FOXO3B: variants seen among roughly 807,000 people sequenced by gnomAD.
FOXO3B encodes the protein forkhead box O3B, also known as forkhead box protein O3B.
Under a neutral mutation model 21.9 loss-of-function variants are expected in FOXO3B, and 15 were observed. The ratio of observed to expected loss-of-function variants is 0.68; its 90% confidence interval spans 0.46 to 1.05. The LOEUF is 1.05. Ranked by LOEUF, FOXO3B falls within the 50% of genes least tolerant of loss-of-function variation. The pLI, the probability that FOXO3B is intolerant of heterozygous loss-of-function variation, is 0.00. For synonymous variants in FOXO3B, 135 were observed against 213.6 expected, an observed-to-expected ratio of 0.63 and a Z score of 3.21; for missense variants, 293 against 435.5, an observed-to-expected ratio of 0.67 and a Z score of 2.91.
chr17:18,672,961 G>C lies in FOXO3B; in HGVS notation c.221C>G (p.Ala74Gly), dbSNP rs1264767070. ...LHPAPAREES[A>G]RTPAAAGRAA... ...CCGCCCGGCCGCGGCTGGGGTTCTC[G>C]CGCTCTCCTCTCGCGCCGGGGCGGG... The change falls in exon 4 of 4, where the codon GCG becomes GGG. Residue 74 changes from alanine (A) to glycine (G), a missense_variant. Physicochemically the swap from Ala to Gly is moderately conservative, Grantham distance 60 (BLOSUM62 0). Transcript: ENST00000395675. This position sits in a 1 kb window ranked among gnomAD's most constrained non-coding sequence, Gnocchi z 4.2. 8.6e-6 allele frequency: 13 copies of C among 1,512,630 alleles called. No individual in the cohort carries two copies. The highest frequency in any genetic ancestry group is 1.4e-5 in the African/African-American group (1 of 69,684). 93.7% of individuals were successfully genotyped at this position (1,512,630 alleles called of 1,614,324 possible).
At chr17:18,678,010 T>C (rs930051915) in intron 3 of FOXO3B, among the ~76,000 whole-genome samples, 6 of 151,072 alleles carry the variant, frequency 4.0e-5, no homozygotes, top group African/African-American at 1.5e-4. Context: ...AAAGACATTA[T>C]GAGGAAAAAT....
Position 18,672,376 on chromosome 17 carries a change from T to C in FOXO3B, c.806A>G (p.Tyr269Cys). ...PDRRLTLSQI[Y>C]EWMVSCVPYF... ...GGGCACGCAACTCACCATCCACTCG[T>C]AGATCTGGGACAGAGTGAGCCGTCT... is the stretch of plus-strand genomic sequence containing the variant. The change falls in exon 4 of 4, where the codon TAC (tyrosine) becomes TGC (cysteine). Residue 269 changes from tyrosine to cysteine, a missense_variant. This residue lies in a region of FOXO3B where 42 missense variants were observed against 31.5 expected (regional missense o/e 1.33). Transcript: ENST00000395675. This position sits in a 1 kb window ranked among gnomAD's most constrained non-coding sequence, Gnocchi z 4.2. The C allele has an allele frequency of 6.2e-7, 1 of 1,613,160 alleles. No homozygotes were observed.
chr17:18,671,663 C>G lies in FOXO3B; in HGVS notation c.*646G>C, dbSNP rs2032365801. ...AGGAGCTGGTTGGGGAGCTCAGGCC[C>G]GAGCCCTTGGTGGTATACGGGAAGC... On this transcript the variant is annotated 3_prime_UTR_variant, in exon 4 of 4. Coordinates refer to ENST00000395675, the MANE Select transcript of FOXO3B (RefSeq NM_001368135.1). The G allele has an allele frequency of 6.2e-7, 1 of 1,613,882 alleles. No individual in the cohort carries two copies.
rs2032354755 is a variant in FOXO3B at position 18,671,083 on chromosome 17, T to C, written c.*1226A>G. On this transcript the variant is annotated 3_prime_UTR_variant, in exon 4 of 4. Transcript: ENST00000395675. ...TCACATTCCAAGCTCCCATTGAACA[T>C]GTCCAGGTCCAAGTCGCTGGGGAAC... 1.0e-6 allele frequency: 1 copy of C among 966,954 alleles called. No individual in the cohort carries two copies. The highest frequency in any genetic ancestry group is 1.6e-6 in the Non-Finnish European group (1 of 612,030). 59.9% of individuals were successfully genotyped at this position (966,954 alleles called of 1,614,324 possible). A position where few individuals can be genotyped will look rare whatever the true frequency, so the allele number is the denominator to read the frequency against.
Position 18,671,583 on chromosome 17 carries a change from A to G in FOXO3B, c.*726T>C, listed in dbSNP as rs1291752436. ...TGGCTTGTTCTCTTGGATGGTCTGC[A>G]TGGGAGACTGGCGTAGGGAGTTCAG... On this transcript the variant is annotated 3_prime_UTR_variant, in exon 4 of 4. Coordinates refer to ENST00000395675, the MANE Select transcript of FOXO3B (RefSeq NM_001368135.1). The G allele has an allele frequency of 1.9e-6, 3 of 1,613,376 alleles. No individual in the cohort carries two copies. The highest frequency in any genetic ancestry group is 1.1e-5 in the South Asian group (1 of 91,050).
rs550221219 is a variant in FOXO3B, at chr17:18,670,233, G to A, written c.*2076C>T. On this transcript the variant is annotated 3_prime_UTR_variant, in exon 4 of 4. Transcript: ENST00000395675. Reference sequence around the variant, plus strand: ...GCCTATGCATGGTTCAGTCCTGGACGGGTGCGCATAGCAAACAATTGTGCC... The same window carrying A: ...GCCTATGCATGGTTCAGTCCTGGACAGGTGCGCATAGCAAACAATTGTGCC... Among the ~76,000 whole-genome samples, 2 of 152,324 alleles carry A rather than the reference G, an allele frequency of 1.3e-5. No homozygotes were observed. The highest frequency in any genetic ancestry group is 6.5e-5 in the Admixed American group (1 of 15,310).
rs1171790747 is a variant in FOXO3B, at chr17:18,673,442, T to A, written c.127-387A>T. Among the ~76,000 whole-genome samples the A allele has an allele frequency of 2.6e-5, 4 of 152,174 alleles. No homozygotes were observed. In the East Asian group the frequency reaches 7.7e-4, roughly 29 times the overall value. ...TTTTTAAATGAATTAGCTAATAGCT[T>A]GAAATTTTTCTGTTTTAACTTGTAG... On this transcript the variant is annotated intron_variant, in intron 3 of 3. Transcript: ENST00000395675.
Position 18,672,670 on chromosome 17 carries a change from C to T in FOXO3B, c.512G>A (p.Arg171His). 3 of 1,520,124 alleles carry T rather than the reference C, an allele frequency of 2.0e-6. No individual in the cohort carries two copies. The highest frequency in any genetic ancestry group is 2.5e-5 in the East Asian group (1 of 40,688). 94.2% of individuals were successfully genotyped at this position (1,520,124 alleles called of 1,614,324 possible). A position where few individuals can be genotyped will look rare whatever the true frequency, so the allele number is the denominator to read the frequency against. The part of the protein sequence containing the change: ...AMAIGGGGGS[R>H]TLVSGLLLED... The stretch of plus-strand genomic sequence containing the variant: ...AAGGAGCAGCCCGGAGACCAGCGTG[C>T]GGCTCCCGCCGCCGCCGCCGATCGC... The change falls in exon 4 of 4, where the codon CGC (arginine) becomes CAC (histidine). Residue 171 changes from arginine (R) to histidine (H), a missense_variant. Physicochemically the swap from Arg to His is conservative, Grantham distance 29. This residue lies in a region of FOXO3B where 251 missense variants were observed against 404.0 expected (regional missense o/e 0.62). Transcript: ENST00000395675. The surrounding 1 kb of genome is among the most constrained non-coding windows in gnomAD (Gnocchi z 4.2).
intron 3 of FOXO3B, among the ~76,000 whole-genome samples, chr17:18,680,311 A>G (rs2032561757): frequency 6.6e-6 from 1 of 152,210 alleles, no homozygotes; most frequent in African/African-American, 2.4e-5. Flanking sequence ...GTTTCTTTGA[A>G]CTATGTGAGT....
intron 3 of FOXO3B, among the ~76,000 whole-genome samples, chr17:18,674,649 G>C (rs865996418): frequency 1.4e-5 from 2 of 144,618 alleles, no homozygotes; most frequent in South Asian, 4.7e-4. Context: ...AGGGGGGGGG[G>C]AGATTACAGA....
At chr17:18,675,877 G>A (rs867021081) in intron 3 of FOXO3B, among the ~76,000 whole-genome samples, 133 of 152,148 alleles carry the variant, frequency 8.7e-4, no homozygotes, top group African/African-American at 2.9e-3. Flanking sequence ...CTGGGATAAA[G>A]TAGATAGACA....
In FOXO3B at chr17:18,670,236, T is replaced by C. The variant is rs2032338552; in HGVS notation, c.*2073A>G. On this transcript the variant is annotated 3_prime_UTR_variant, in exon 4 of 4. Coordinates refer to ENST00000395675, the MANE Select transcript of FOXO3B (RefSeq NM_001368135.1). ...TATGCATGGTTCAGTCCTGGACGGG[T>C]GCGCATAGCAAACAATTGTGCCATT... Among the ~76,000 whole-genome samples, 1 of 152,226 alleles carries C rather than the reference T, an allele frequency of 6.6e-6. No homozygotes were observed. Among genetic ancestry groups the C allele is most frequent in the Non-Finnish European group, 1.5e-5 (1 of 68,042 alleles).
chr17:18,677,911 C>CAAAAA (rs57669387), intron 3 of FOXO3B, among the ~76,000 whole-genome samples: 392 of 92,420 alleles, frequency 4.2e-3, no homozygotes, highest in Middle Eastern at 0.021. Flanking sequence ...GTTGGAAAAG[C>CAAAAA]AAAAAAAAAA....
Position 18,677,186 on chromosome 17 carries a change from A to G in FOXO3B, c.126+3555T>C, listed in dbSNP as rs1165606050. ...TGTAATTGGTACAATGACTCTAGAAACCTCTTTGGCACTATCTACCAACAG... is the reference window on the plus strand; with the variant it reads ...TGTAATTGGTACAATGACTCTAGAAGCCTCTTTGGCACTATCTACCAACAG... On this transcript the variant is annotated intron_variant, in intron 3 of 3. Transcript: ENST00000395675. The G allele has an allele frequency of 2.4e-6, 3 of 1,266,478 alleles. No individual in the cohort carries two copies. In the Admixed American group the frequency reaches 6.6e-5, roughly 28 times the overall value. 78.5% of individuals were successfully genotyped at this position (1,266,478 alleles called of 1,614,324 possible).
intron 3 of FOXO3B, among the ~76,000 whole-genome samples, chr17:18,674,971 C>T (rs1355976010): frequency 3.3e-5 from 5 of 152,176 alleles, no homozygotes; most frequent in Non-Finnish European, 7.3e-5. Context: ...TCTGGTTCAC[C>T]AGTTTCCACT....
rs1259664314 is a variant in FOXO3B, at chr17:18,672,123, G to T, written c.*186C>A. The T allele has an allele frequency of 8.1e-6, 13 of 1,612,022 alleles. No homozygotes were observed. The highest frequency in any genetic ancestry group is 1.1e-5 in the Non-Finnish European group (13 of 1,178,984). ...CTGTCTGCAGGGCTGCCTTCTTCTT[G>T]GCTGTGCGGCCACGGCTCTTGGTAT... On this transcript the variant is annotated 3_prime_UTR_variant, in exon 4 of 4. Transcript: ENST00000395675. This position sits in a 1 kb window ranked among gnomAD's most constrained non-coding sequence, Gnocchi z 4.2.
chr17:18,670,092 G>C lies in FOXO3B; in HGVS notation c.*2217C>G, dbSNP rs1321194591. 1.3e-5 allele frequency among the ~76,000 whole-genome samples: 2 copies of C among 152,066 alleles called. No homozygotes were observed. The highest frequency in any genetic ancestry group is 6.5e-5 in the Admixed American group (1 of 15,278). On this transcript the variant is annotated 3_prime_UTR_variant, in exon 4 of 4. Transcript: ENST00000395675. Reference sequence around the variant, plus strand: ...ACATTAGCTGAGGACACTGACAGGAGATCACAGGCCCTACTGATCTGGCAC... The same window carrying C: ...ACATTAGCTGAGGACACTGACAGGACATCACAGGCCCTACTGATCTGGCAC...
Position 18,668,891 on chromosome 17 carries a change from G to A in FOXO3B, c.*3418C>T, listed in dbSNP as rs900974517. 1 of 152,196 alleles carries A rather than the reference G, an allele frequency of 6.6e-6. No individual in the cohort carries two copies. The highest frequency in any genetic ancestry group is 2.4e-5 in the African/African-American group (1 of 41,432). The allele number at this position is 152,196 out of a possible 1,614,324, so 9.4% of individuals were successfully genotyped here. A position where few individuals can be genotyped will look rare whatever the true frequency, so the allele number is the denominator to read the frequency against. The stretch of plus-strand genomic sequence containing the variant: ...TATTATAAAGGAATATAGTAAGCAA[G>A]TCTGGCTCACTGACAAGCAGACCAT... On this transcript the variant is annotated 3_prime_UTR_variant, in exon 4 of 4. Transcript: ENST00000395675.
At chr17:18,677,513 C>T (rs1646934800) in intron 3 of FOXO3B, 9 of 1,613,758 alleles carry the variant, frequency 5.6e-6, no homozygotes, top group South Asian at 2.2e-5. Context: ...TGGAGAACTA[C>T]GAGGAGTATG....
Sources: allele counts gnomAD v4.1 joint callset (sites outside exome capture counted in the v4.1 genomes callset), GRCh38; gene constraint gnomAD v4.1.1; regional missense constraint gnomAD v4.1.1; non-coding constraint Gnocchi (gnomAD v3.1); transcripts MANE v1.5; gene names NCBI Gene and HGNC (gene_info 2026-07-23, HGNC 2026-07-21).